IGSF10: variants seen among roughly 807,000 people sequenced by gnomAD.
IGSF10 encodes the protein immunoglobulin superfamily member 10, also known as calvaria mechanical force protein 608.
In IGSF10, 126 loss-of-function variants were observed where a neutral mutation model predicts 128.2. The ratio of observed to expected loss-of-function variants is 0.98; its 90% CI spans 0.85 to 1.14. The LOEUF is 1.14. Among genes scored for constraint, IGSF10 ranks in the 50% most tolerant of loss-of-function variants. The pLI, the probability that IGSF10 is intolerant of heterozygous loss-of-function variation, is 0.00. For synonymous variants in IGSF10, 1,185 were observed against 1,146.2 expected (o/e 1.03, Z -0.68); for missense variants, 3,295 against 3,149.8 (o/e 1.05, Z -1.10).
chr3:151,458,443 T>C (rs760070677), intron 3 of IGSF10, 73 bp downstream of exon 3: 26 of 1,070,926 alleles, frequency 2.4e-5, no homozygotes, highest in African/African-American at 1.6e-4. Context: ...CCCAAAGTCA[T>C]AGATGTTTGA....
the IGSF10 span, among the ~76,000 whole-genome samples, chr3:151,604,491 A>C: frequency 1.3e-5 from 2 of 151,874 alleles, no homozygotes; most frequent in African/African-American, 4.8e-5. Flanking sequence ...TTCAGCAAGA[A>C]TCCTTTCTTT....
At chr3:151,461,097 C>A (rs896239341), upstream of IGSF10, 5 of 985,308 alleles carry the variant, frequency 5.1e-6, no homozygotes, top group African/African-American at 5.2e-5. Context: ...AGCCCGACTT[C>A]TGTGTCTGGG....
At chr3:151,557,754 G>A in the IGSF10 span, among the ~76,000 whole-genome samples, 2 of 151,324 alleles carry the variant, frequency 1.3e-5, no homozygotes, top group Admixed American at 1.3e-4. Flanking sequence ...GTTTCCCTGT[G>A]TGCAAATAGT....
chr3:151,514,121 C>G, the IGSF10 span, among the ~76,000 whole-genome samples: 88 of 152,130 alleles, frequency 5.8e-4, no homozygotes, highest in African/African-American at 1.9e-3. Flanking sequence ...GAAAAAAATA[C>G]TTTAAAGTTC....
the IGSF10 span, among the ~76,000 whole-genome samples, chr3:151,527,499 G>T: frequency 2.0e-5 from 3 of 152,108 alleles, no homozygotes; most frequent in African/African-American, 7.2e-5. Flanking sequence ...CATAACTTTT[G>T]TATTACCTTA....
the IGSF10 span, among the ~76,000 whole-genome samples, chr3:151,583,437 A>G: frequency 1.3e-5 from 2 of 152,166 alleles, no homozygotes; most frequent in Non-Finnish European, 2.9e-5. Flanking sequence ...ATTAACTTTC[A>G]CCCAGTTATT....
the IGSF10 span, among the ~76,000 whole-genome samples, chr3:151,529,530 G>A: frequency 6.6e-6 from 1 of 152,196 alleles, no homozygotes; most frequent in Admixed American, 6.5e-5. Flanking sequence ...AATCTTTGCT[G>A]TTCTGCAGCC....
chr3:151,466,054 C>CCGT (rs1394706293), upstream of IGSF10, among the ~76,000 whole-genome samples: 1 of 152,150 alleles, frequency 6.6e-6, no homozygotes, highest in Admixed American at 6.5e-5. Context: ...TTTTTTCTGA[C>CCGT]CACGAGGCAT....
At chr3:151,508,061 G>C in the IGSF10 span, among the ~76,000 whole-genome samples, 1 of 151,886 alleles carries the variant, frequency 6.6e-6, no homozygotes, top group Non-Finnish European at 1.5e-5. Context: ...GTTTTCACTA[G>C]GAATTTGGCT....
At chr3:151,499,616 T>C in the IGSF10 span, 1 of 152,230 alleles carries the variant, frequency 6.6e-6, no homozygotes, top group South Asian at 2.1e-4. Flanking sequence ...AAAAAATTCT[T>C]AAGACCCATA....
rs758049789 is a variant in IGSF10 at position 151,453,687 on chromosome 3, G to C, written c.412C>G (p.His138Asp). 1 of 1,612,446 alleles carries C rather than the reference G, an allele frequency of 6.2e-7. No individual in the cohort carries two copies. Among genetic ancestry groups the C allele is most frequent in the Non-Finnish European group, 8.5e-7 (1 of 1,178,618 alleles). ...GGGTTTATAAACTCAATATTGTTGT[G>C]GTCCATGTGCAATCGTGTCAAGCTC... The part of the protein sequence containing the change: ...LRSLTRLHMD[H>D]NNIEFINPEV... Residue 138 changes from histidine to aspartate, a missense_variant, in exon 5 of 8, where the codon CAC becomes GAC. His to Asp is a moderately conservative substitution (Grantham distance 81). Coordinates refer to ENST00000282466, the MANE Select transcript of IGSF10 (RefSeq NM_178822.5).
At chr3:151,611,783 T>C in the IGSF10 span, among the ~76,000 whole-genome samples, 1 of 152,198 alleles carries the variant, frequency 6.6e-6, no homozygotes, top group Non-Finnish European at 1.5e-5. Flanking sequence ...TTGCTGCTTG[T>C]ATTTTAACCT....
chr3:151,596,702 A>G, the IGSF10 span, among the ~76,000 whole-genome samples: 4 of 152,120 alleles, frequency 2.6e-5, no homozygotes, highest in Non-Finnish European at 4.4e-5. Flanking sequence ...GGCCCAATTT[A>G]TGCTGGTCAG....
At chr3:151,569,617 A>T in the IGSF10 span, among the ~76,000 whole-genome samples, 4 of 152,198 alleles carry the variant, frequency 2.6e-5, no homozygotes, top group African/African-American at 9.7e-5. Flanking sequence ...AAATGCAGCC[A>T]CAAAGTCCTG....
chr3:151,583,716 A>G, the IGSF10 span, among the ~76,000 whole-genome samples: 1 of 152,264 alleles, frequency 6.6e-6, no homozygotes, highest in Admixed American at 6.5e-5. Context: ...CCTAGAACTT[A>G]AAGTATAATA....
chr3:151,466,902 T>C, the IGSF10 span, among the ~76,000 whole-genome samples: 4 of 151,940 alleles, frequency 2.6e-5, no homozygotes, highest in Non-Finnish European at 5.9e-5. Flanking sequence ...TTTAGAAAAA[T>C]GGGTTAACCC....
At chr3:151,473,525 T>C in the IGSF10 span, among the ~76,000 whole-genome samples, 5 of 152,218 alleles carry the variant, frequency 3.3e-5, no homozygotes, top group South Asian at 2.1e-4. Flanking sequence ...ATTACCTATG[T>C]TGGTACAAGT....
downstream of IGSF10, chr3:151,435,794 T>C (rs1720100526): frequency 6.6e-6 from 1 of 151,908 alleles, no homozygotes; most frequent in Non-Finnish European, 1.5e-5. Context: ...TTGTGTAGGA[T>C]TGATCAGATT....
the IGSF10 span, among the ~76,000 whole-genome samples, chr3:151,496,627 C>T: frequency 2.3e-4 from 31 of 136,972 alleles, no homozygotes; most frequent in Admixed American, 3.9e-4. Flanking sequence ...TGAATAGTGC[C>T]ACAATAAACA....
Sources: allele counts gnomAD v4.1 joint callset (sites outside exome capture counted in the v4.1 genomes callset), GRCh38; gene constraint gnomAD v4.1.1; transcripts MANE v1.5; gene names NCBI Gene and HGNC (gene_info 2026-07-23, HGNC 2026-07-21).